DAB1: variants seen among roughly 807,000 people sequenced by gnomAD.
DAB1 encodes the protein DAB adaptor protein 1.
DAB1 carries 15 observed loss-of-function variants against 64.6 expected under a neutral mutation model. The ratio of observed to expected loss-of-function variants is 0.23; its 90% CI spans 0.16 to 0.36. The LOEUF (loss-of-function observed/expected upper bound fraction) is 0.36. DAB1 is among the 10% of genes least tolerant of loss of function. The pLI is 1.00. For synonymous variants in DAB1, 235 were observed against 251.9 expected (o/e 0.93, Z 0.64); for missense variants, 596 against 706.7 (o/e 0.84, Z 1.78).
intron 1 of DAB1, among the ~76,000 whole-genome samples, chr1:58,545,054 C>T (rs1646679425): frequency 6.6e-6 from 1 of 152,148 alleles, no homozygotes; most frequent in Non-Finnish European, 1.5e-5. Context: ...TTTTCCATGG[C>T]TTCCACAAAC....
At chr1:57,314,216 TAC>T (rs1674988634) in intron 1 of DAB1, among the ~76,000 whole-genome samples, 1 of 152,214 alleles carries the variant, frequency 6.6e-6, no homozygotes. Context: ...TAGATACACA[TAC>T]TTAATACTGA....
chr1:57,244,123 C>A (rs1273293028), intron 2 of DAB1, among the ~76,000 whole-genome samples: 1 of 152,218 alleles, frequency 6.6e-6, no homozygotes, highest in Non-Finnish European at 1.5e-5. Flanking sequence ...TAACTACTCT[C>A]TGGCATATTT....
intron 3 of DAB1, among the ~76,000 whole-genome samples, chr1:58,401,099 T>C (rs1215253498): frequency 6.6e-6 from 1 of 152,164 alleles, no homozygotes; most frequent in African/African-American, 2.4e-5. Flanking sequence ...GGGCCAATAA[T>C]TCCAGACTCT....
At chr1:57,283,211 C>T (rs1010075387) in intron 2 of DAB1, among the ~76,000 whole-genome samples, 2 of 152,202 alleles carry the variant, frequency 1.3e-5, no homozygotes, top group African/African-American at 4.8e-5. Context: ...TACATGATGG[C>T]TATTAGTAAA....
At chr1:58,215,287 T>C (rs1313070962) in intron 4 of DAB1, among the ~76,000 whole-genome samples, 2 of 152,128 alleles carry the variant, frequency 1.3e-5, no homozygotes, top group Admixed American at 6.6e-5. Flanking sequence ...TAGCTCCTTC[T>C]TGTCATTCAG....
intron 7 of DAB1, among the ~76,000 whole-genome samples, chr1:57,496,737 A>G (rs2101298613): frequency 6.6e-6 from 1 of 152,338 alleles, no homozygotes; most frequent in South Asian, 2.1e-4. Flanking sequence ...TCAAATTCTC[A>G]TTGATCACAT....
chr1:57,359,737 T>C (rs963549403), intron 1 of DAB1, among the ~76,000 whole-genome samples: 5 of 152,070 alleles, frequency 3.3e-5, no homozygotes, highest in Non-Finnish European at 5.9e-5. Flanking sequence ...ATATACACAA[T>C]GTAATACTAT....
chr1:58,028,582 T>C (rs953561990), intron 5 of DAB1, among the ~76,000 whole-genome samples: 1 of 152,118 alleles, frequency 6.6e-6, no homozygotes, highest in Non-Finnish European at 1.5e-5. Context: ...TTGTTCATAG[T>C]AAGAGGGCTC....
intron 5 of DAB1, among the ~76,000 whole-genome samples, chr1:58,025,655 A>ATATATATATATATATATATATATATGTG (rs1646882139): frequency 1.4e-5 from 1 of 73,040 alleles, no homozygotes. Flanking sequence ...ATGTGTGTAT[A>ATATATATATATATATATATATATATGTG]TATATATATA....
chr1:57,702,865 G>A (rs1210865068), intron 6 of DAB1, among the ~76,000 whole-genome samples: 2 of 152,158 alleles, frequency 1.3e-5, no homozygotes, highest in East Asian at 3.9e-4. Flanking sequence ...GAACAGAATA[G>A]AGAAACCAGA....
At position 58,426,714 on chromosome 1, in the gene DAB1, A is replaced by ATTCCT. The variant is rs879895057; in HGVS notation, n.257+79345_257+79346insAGGAA. Among the ~76,000 whole-genome samples the ATTCCT allele has an allele frequency of 7.8e-3, 1,183 of 152,368 alleles. 76 individuals are homozygous for ATTCCT. The East Asian group carries it at 0.19, about 25-fold the overall frequency. On this transcript the variant is annotated intron_variant and non_coding_transcript_variant, in intron 3 of 20. Transcript: ENST00000485760. ...GACACCTTCTTGTATTCCTGCAGTG[A>ATTCCT]GCACACTTGTATTGAATGCATATTA...
intron 6 of DAB1, among the ~76,000 whole-genome samples, chr1:57,690,106 A>T (rs1436788805): frequency 6.6e-6 from 1 of 152,146 alleles, no homozygotes; most frequent in East Asian, 1.9e-4. Flanking sequence ...TTCATGGCTG[A>T]ATAGTACTCC....
At chr1:58,338,202 C>T (rs1044350119) in intron 4 of DAB1, among the ~76,000 whole-genome samples, 1 of 152,086 alleles carries the variant, frequency 6.6e-6, no homozygotes, top group Non-Finnish European at 1.5e-5. Flanking sequence ...TTCCTGGGGG[C>T]AGAGAGGACT....
chr1:57,413,419 G>A (rs1161757711), intron 1 of DAB1, among the ~76,000 whole-genome samples: 1 of 152,132 alleles, frequency 6.6e-6, no homozygotes, highest in Non-Finnish European at 1.5e-5. Flanking sequence ...AGATCTTGGT[G>A]AAATAATTTT....
At chr1:57,339,300 C>T (rs1024226699) in intron 1 of DAB1, among the ~76,000 whole-genome samples, 10 of 152,028 alleles carry the variant, frequency 6.6e-5, no homozygotes, top group Non-Finnish European at 1.5e-4. Flanking sequence ...GGACTACAGG[C>T]GCCCGCCACC....
At chr1:58,143,186 G>A (rs988807172) in intron 5 of DAB1, among the ~76,000 whole-genome samples, 1 of 152,040 alleles carries the variant, frequency 6.6e-6, no homozygotes, top group Non-Finnish European at 1.5e-5. Flanking sequence ...CTCACCAAAT[G>A]TACACACACA....
chr1:58,449,767 A>C (rs1645112230), intron 3 of DAB1, among the ~76,000 whole-genome samples: 1 of 152,176 alleles, frequency 6.6e-6, no homozygotes, highest in African/African-American at 2.4e-5. Flanking sequence ...TTCCTTACAG[A>C]TCCCCTCATT....
chr1:57,393,369 G>A (rs925343335), intron 1 of DAB1, among the ~76,000 whole-genome samples: 16 of 152,264 alleles, frequency 1.1e-4, no homozygotes, highest in African/African-American at 3.9e-4. Flanking sequence ...GGAACTGCCC[G>A]TAGCTGGTGC....
At chr1:57,641,378 G>GCTTT (rs1491296848) in intron 7 of DAB1, among the ~76,000 whole-genome samples, 16 of 109,812 alleles carry the variant, frequency 1.5e-4, no homozygotes, top group Admixed American at 2.3e-4. Flanking sequence ...TTTTTTTGTT[G>GCTTT]GTTTTTTTTT....
Sources: allele counts gnomAD v4.1 joint callset (sites outside exome capture counted in the v4.1 genomes callset), GRCh38; gene constraint gnomAD v4.1.1; transcripts MANE v1.5; gene names NCBI Gene and HGNC (gene_info 2026-07-23, HGNC 2026-07-21).